Variants in IDE observed in about 807,000 individuals in gnomAD.
IDE encodes insulin-degrading enzyme.
In IDE, 58 loss-of-function variants were observed where a neutral mutation model predicts 133.2. The observed-to-expected ratio is 0.44, with a 90% CI of 0.35 to 0.54. The LOEUF is 0.54. IDE is among the 20% of genes least tolerant of loss of function. The pLI, the probability that IDE is intolerant of heterozygous loss-of-function variation, is 0.00. For missense variants in IDE, 981 were observed against 1,234.0 expected (o/e 0.79, Z 3.07); for synonymous variants, 396 against 421.3 (o/e 0.94, Z 0.73).
At chr10:92,468,141 A>G (rs1845786801) in intron 19 of IDE, among the ~76,000 whole-genome samples, 1 of 152,198 alleles carries the variant, frequency 6.6e-6, no homozygotes, top group Non-Finnish European at 1.5e-5. Context: ...AAGGAGAAGT[A>G]GGATGTAGGC....
intron 1 of IDE, among the ~76,000 whole-genome samples, chr10:92,566,654 G>A (rs1253814791): frequency 1.3e-5 from 2 of 151,016 alleles, no homozygotes; most frequent in African/African-American, 4.9e-5. Context: ...ATGGTTAATG[G>A]GTACCAAAGA....
At chr10:92,493,577 A>T (rs1443012730) in intron 11 of IDE, among the ~76,000 whole-genome samples, 4 of 151,798 alleles carry the variant, frequency 2.6e-5, no homozygotes, top group Non-Finnish European at 4.4e-5. Flanking sequence ...CTGTGCAGTA[A>T]TGCTCAGGTT....
Position 92,537,541 on chromosome 10 carries a change from T to G in IDE, c.108A>C (p.Lys36Asn), listed in dbSNP as rs1464377175. 1 of 1,590,388 alleles carries G rather than the reference T, an allele frequency of 6.3e-7. No homozygotes were observed. The highest frequency in any genetic ancestry group is 1.2e-5 in the South Asian group (1 of 86,376). The stretch of plus-strand genomic sequence containing the variant: ...GATTATTCATTTTGCTGTAAGTCTT[T>G]TTTTGGAAACTGAAAAGAAAGAGAT... ...PPPERLCGFQ[K>N]KTYSKMNNPA... Residue 36 changes from lysine (K) to asparagine (N), a missense_variant, in exon 2 of 25, where the codon AAA (lysine) becomes AAC (asparagine). Around this residue, in one of 2 missense-constraint regions of IDE, gnomAD observed 321 missense variants for 339.3 expected, o/e 0.95. Coordinates refer to ENST00000265986, the MANE Select transcript of IDE (RefSeq NM_004969.4).
intron 22 of IDE, among the ~76,000 whole-genome samples, chr10:92,460,305 T>C (rs910966907): frequency 2.6e-5 from 4 of 152,162 alleles, no homozygotes; most frequent in African/African-American, 9.7e-5. Flanking sequence ...GGCACCTAAA[T>C]GGGTGAAGAT....
chr10:92,558,741 T>G (rs866118272), intron 1 of IDE: 1 of 152,036 alleles, frequency 6.6e-6, no homozygotes, highest in African/African-American at 2.4e-5. Context: ...GTTACAGGCG[T>G]GTACCACCAT....
At chr10:92,481,570 C>T (rs539411920) in intron 14 of IDE, among the ~76,000 whole-genome samples, 8 of 152,282 alleles carry the variant, frequency 5.3e-5, no homozygotes, top group African/African-American at 1.4e-4. Flanking sequence ...TTTAAAAATA[C>T]GTTATTTTGT....
At chr10:92,466,627 T>TC (rs1485085028) in intron 19 of IDE, among the ~76,000 whole-genome samples, 3 of 149,788 alleles carry the variant, frequency 2.0e-5, no homozygotes, top group African/African-American at 7.4e-5. Context: ...CTTTTCTTTT[T>TC]TTTTTTTTGA....
chr10:92,471,497 T>C (rs1845963024), intron 17 of IDE, among the ~76,000 whole-genome samples: 1 of 152,204 alleles, frequency 6.6e-6, no homozygotes, highest in African/African-American at 2.4e-5. Context: ...GAGCTGGGAT[T>C]TGATCCTTGG....
intron 1 of IDE, among the ~76,000 whole-genome samples, chr10:92,544,022 C>G (rs913884119): frequency 6.6e-6 from 1 of 152,274 alleles, no homozygotes; most frequent in African/African-American, 2.4e-5. Flanking sequence ...CACCTGAGGT[C>G]AAGAGTTTGA....
intron 4 of IDE, among the ~76,000 whole-genome samples, chr10:92,525,769 AAC>A (rs1297973067): frequency 2.6e-4 from 35 of 135,906 alleles, no homozygotes; most frequent in African/African-American, 4.3e-4. Context: ...AAAAAAAAAA[AAC>A]CAAGAAAGCA....
chr10:92,544,455 A>C (rs888092440), intron 1 of IDE, among the ~76,000 whole-genome samples: 1 of 152,206 alleles, frequency 6.6e-6, no homozygotes, highest in African/African-American at 2.4e-5. Flanking sequence ...AAAAAGAAAA[A>C]AAAGAAAAGA....
chr10:92,472,058 T>G (rs1845996384), intron 17 of IDE, among the ~76,000 whole-genome samples: 1 of 152,230 alleles, frequency 6.6e-6, no homozygotes. Context: ...AGAGGCAGCC[T>G]CTCACACTGA....
chr10:92,494,140 C>T (rs556218566), intron 11 of IDE, among the ~76,000 whole-genome samples: 2 of 152,156 alleles, frequency 1.3e-5, no homozygotes, highest in East Asian at 1.9e-4. Context: ...TACCTTACTG[C>T]AGCCTTGAAC....
At chr10:92,518,526 C>T (rs1849045638) in intron 4 of IDE, among the ~76,000 whole-genome samples, 1 of 152,174 alleles carries the variant, frequency 6.6e-6, no homozygotes, top group Admixed American at 6.5e-5. Context: ...CAGGAAACAA[C>T]CTAGTCAATC....
intron 4 of IDE, among the ~76,000 whole-genome samples, chr10:92,519,407 A>AC (rs1272233684): frequency 6.6e-6 from 1 of 152,140 alleles, no homozygotes; most frequent in Non-Finnish European, 1.5e-5. Context: ...CTTGAATCCT[A>AC]CCTTTCTGGC....
intron 17 of IDE, among the ~76,000 whole-genome samples, chr10:92,473,611 G>C (rs1846095057): frequency 6.6e-6 from 1 of 151,462 alleles, no homozygotes; most frequent in Non-Finnish European, 1.5e-5. Flanking sequence ...CTGATCTAAG[G>C]ATGCTAAAGC....
intron 1 of IDE, among the ~76,000 whole-genome samples, chr10:92,570,938 T>C (rs1289432170): frequency 1.3e-5 from 2 of 150,816 alleles, no homozygotes; most frequent in East Asian, 4.0e-4. Context: ...AAAGAAAACA[T>C]ACTGAACTTT....
chr10:92,487,238 T>A lies in IDE; in HGVS notation c.1614A>T (p.Leu538Phe), dbSNP rs1406836171. 6.2e-7 allele frequency: 1 copy of A among 1,613,398 alleles called. No homozygotes were observed. Among genetic ancestry groups the A allele is most frequent in the Non-Finnish European group, 8.5e-7 (1 of 1,179,638 alleles). The change falls in exon 13 of 25, where the codon TTA (leucine) becomes TTT (phenylalanine). Residue 538 changes from leucine to phenylalanine, a missense_variant. Coordinates refer to ENST00000265986, the MANE Select transcript of IDE (RefSeq NM_004969.4). ...ATGGTGTCGCCTCTTTTTCTAACGG[T>A]AAAATCTCAAAATTCGTAGGAATAA... Reference protein sequence around the residue: ...NEFIPTNFEILPLEKEATPYP... With the variant: ...NEFIPTNFEIFPLEKEATPYP...
intron 6 of IDE, 60 bp from the exon 7 acceptor site, chr10:92,508,950 T>A: frequency 7.4e-7 from 1 of 1,346,100 alleles, no homozygotes; most frequent in Non-Finnish European, 1.1e-6. Flanking sequence ...AAAATATTTC[T>A]AAACTATGAA....
Sources: gnomAD v4.1 joint callset for allele counts (sites outside exome capture counted in the v4.1 genomes callset) on GRCh38, gnomAD v4.1.1 for gene constraint, gnomAD v4.1.1 regional missense constraint, MANE v1.5 for transcripts, NCBI Gene and HGNC (gene_info 2026-07-23, HGNC 2026-07-21) for gene names.